Variants in CNTNAP2 observed in about 807,000 individuals in gnomAD.
CNTNAP2 encodes contactin-associated protein-like 2.
CNTNAP2 carries 98 observed loss-of-function variants against 155.2 expected under a neutral mutation model. The ratio of observed to expected loss-of-function variants is 0.63; its 90% CI spans 0.54 to 0.75. The LOEUF (loss-of-function observed/expected upper bound fraction) is 0.75. Ranked by LOEUF, CNTNAP2 falls within the 30% of genes least tolerant of loss-of-function variation. The pLI is 0.00. For missense variants in CNTNAP2, 1,727 were observed against 1,688.1 expected, an observed-to-expected ratio of 1.02 and a Z score of -0.40; for synonymous variants, 651 against 631.2, an observed-to-expected ratio of 1.03 and a Z score of -0.47.
At chr7:148,377,813 A>T (rs1443354872) in intron 21 of CNTNAP2, among the ~76,000 whole-genome samples, 2 of 67,846 alleles carry the variant, frequency 2.9e-5, no homozygotes, top group African/African-American at 7.2e-5. Context: ...CAACTTTACC[A>T]TGGTTCAAAA....
At chr7:147,940,466 C>A (rs1800699630) in intron 14 of CNTNAP2, among the ~76,000 whole-genome samples, 1 of 152,038 alleles carries the variant, frequency 6.6e-6, no homozygotes, top group South Asian at 2.1e-4. Flanking sequence ...ATCTTCAAAC[C>A]CAACTTCACT....
At chr7:148,270,710 A>G (rs956061256) in intron 21 of CNTNAP2, among the ~76,000 whole-genome samples, 1 of 152,262 alleles carries the variant, frequency 6.6e-6, no homozygotes, top group Non-Finnish European at 1.5e-5. Context: ...GAGAGCTGCA[A>G]TCCTCACATA....
chr7:147,713,149 AT>A lies in CNTNAP2; in HGVS notation c.2098+73850del, dbSNP rs1246303399. Among the ~76,000 whole-genome samples the A allele has an allele frequency of 2.6e-5, 4 of 151,644 alleles. No individual in the cohort carries two copies. The East Asian group carries it at 5.8e-4, about 22-fold the overall frequency. ...GTTATTTACTTTGAGGCTGCATCCCATTTTTTTCTTTTGTGTTTTTTTAATT... is the reference window on the plus strand; with the variant it reads ...GTTATTTACTTTGAGGCTGCATCCCATTTTTTCTTTTGTGTTTTTTTAATT... On this transcript the variant is annotated intron_variant, in intron 13 of 23. Transcript: ENST00000361727.
intron 11 of CNTNAP2, among the ~76,000 whole-genome samples, chr7:147,558,949 G>T (rs1190842187): frequency 6.6e-6 from 1 of 152,098 alleles, no homozygotes; most frequent in Non-Finnish European, 1.5e-5. Context: ...CACCATGTTG[G>T]CCAGGATGCT....
At chr7:146,936,076 G>T (rs1158392134) in intron 3 of CNTNAP2, among the ~76,000 whole-genome samples, 2 of 152,112 alleles carry the variant, frequency 1.3e-5, no homozygotes, top group African/African-American at 4.8e-5. Flanking sequence ...ATCTATGAAT[G>T]AGGTGCTAAG....
intron 1 of CNTNAP2, among the ~76,000 whole-genome samples, chr7:146,154,781 T>G (rs1040059983): frequency 2.0e-5 from 3 of 152,206 alleles, no homozygotes; most frequent in Non-Finnish European, 2.9e-5. Context: ...ATTTGAAACC[T>G]TTTGGGCTGT....
chr7:146,495,287 A>G (rs1268784225), intron 1 of CNTNAP2, among the ~76,000 whole-genome samples: 2 of 152,210 alleles, frequency 1.3e-5, no homozygotes, highest in Non-Finnish European at 2.9e-5. Flanking sequence ...TAAGTAAAGC[A>G]TACATTACAT....
intron 9 of CNTNAP2, among the ~76,000 whole-genome samples, chr7:147,320,214 T>A (rs1434082663): frequency 6.6e-6 from 1 of 152,180 alleles, no homozygotes; most frequent in Non-Finnish European, 1.5e-5. Context: ...ATGGAGCCCC[T>A]TTCTTTAAGG....
chr7:146,819,083 A>G (rs1803227834), intron 2 of CNTNAP2, among the ~76,000 whole-genome samples: 1 of 152,128 alleles, frequency 6.6e-6, no homozygotes, highest in African/African-American at 2.4e-5. Context: ...TAATTTGAAA[A>G]TAATACATAT....
chr7:147,124,105 G>A (rs67344201), intron 6 of CNTNAP2, among the ~76,000 whole-genome samples: 54,105 of 152,026 alleles, frequency 0.36, 10,951 homozygotes, highest in East Asian at 0.6. Flanking sequence ...CTCTAGTTTT[G>A]TTGTACTTAT....
At position 148,357,394 on chromosome 7, in the gene CNTNAP2, A is replaced by G. The variant is rs374531438; in HGVS notation, c.3476-26255A>G. On this transcript the variant is annotated intron_variant, in intron 21 of 23. Coordinates refer to ENST00000361727, the MANE Select transcript of CNTNAP2 (RefSeq NM_014141.6). ...ATTACCCAGTCTTGGTTATGTCTTT[A>G]TTAGCAGCATGAGAACAGACTAATA... Among the ~76,000 whole-genome samples the G allele has an allele frequency of 4.2e-4, 64 of 152,290 alleles. 1 individual carries two copies. Among genetic ancestry groups the G allele is most frequent in the African/African-American group, 1.5e-3 (62 of 41,544 alleles).
At chr7:147,276,040 T>C (rs909318924) in intron 8 of CNTNAP2, among the ~76,000 whole-genome samples, 1 of 152,040 alleles carries the variant, frequency 6.6e-6, no homozygotes, top group African/African-American at 2.4e-5. Context: ...TCTTTGTATA[T>C]GCTCTTGGAT....
intron 1 of CNTNAP2, among the ~76,000 whole-genome samples, chr7:146,163,585 CTA>C (rs772109958): frequency 4.3e-4 from 39 of 91,120 alleles, no homozygotes; most frequent in South Asian, 1.4e-3. Flanking sequence ...ATCTATCTAT[CTA>C]TATATATATA....
At chr7:147,938,042 G>A (rs1368451681) in intron 14 of CNTNAP2, among the ~76,000 whole-genome samples, 1 of 152,058 alleles carries the variant, frequency 6.6e-6, no homozygotes, top group Admixed American at 6.5e-5. Flanking sequence ...ACTTTCAGCA[G>A]GAGTAACTAT....
intron 1 of CNTNAP2, among the ~76,000 whole-genome samples, chr7:146,606,342 C>A (rs527976901): frequency 1.7e-4 from 26 of 152,222 alleles, no homozygotes; most frequent in African/African-American, 6.3e-4. Flanking sequence ...AAGACATTTT[C>A]ATGTAGATTA....
At chr7:148,335,169 A>T (rs1050148253) in intron 21 of CNTNAP2, among the ~76,000 whole-genome samples, 5 of 152,228 alleles carry the variant, frequency 3.3e-5, no homozygotes, top group African/African-American at 9.6e-5. Context: ...AAGTCCAAGA[A>T]GGAAAGAGCT....
intron 21 of CNTNAP2, among the ~76,000 whole-genome samples, chr7:148,369,792 C>G (rs943851573): frequency 2.0e-5 from 3 of 152,004 alleles, no homozygotes; most frequent in African/African-American, 4.8e-5. Flanking sequence ...AAGTCCGGCT[C>G]TACGCCCTGT....
chr7:146,770,038 G>A (rs956503040), intron 1 of CNTNAP2, among the ~76,000 whole-genome samples: 17 of 152,052 alleles, frequency 1.1e-4, no homozygotes, highest in East Asian at 5.8e-4. Context: ...AGGGTCACAC[G>A]TTTATGATGG....
At chr7:147,636,785 T>TG (rs1320590335) in intron 12 of CNTNAP2, among the ~76,000 whole-genome samples, 1 of 152,182 alleles carries the variant, frequency 6.6e-6, no homozygotes, top group African/African-American at 2.4e-5. Flanking sequence ...ACTTTTAATG[T>TG]GGGGGGACAG....
Sources: gnomAD v4.1 joint callset for allele counts (sites outside exome capture counted in the v4.1 genomes callset) on GRCh38, gnomAD v4.1.1 for gene constraint, MANE v1.5 for transcripts, NCBI Gene and HGNC (gene_info 2026-07-23, HGNC 2026-07-21) for gene names.